The following TM4SF20 variants were observed in gnomAD, a reference collection of about 807,000 sequenced individuals.
TM4SF20 encodes the protein transmembrane 4 L six family member 20.
TM4SF20 carries 13 observed loss-of-function variants against 15.1 expected under a neutral mutation model. The observed-to-expected ratio is 0.86, with a 90% CI of 0.56 to 1.36. The LOEUF (loss-of-function observed/expected upper bound fraction) is 1.36, where lower values mean the gene tolerates loss of function less well. Among genes scored for constraint, TM4SF20 ranks in the 40% most tolerant of loss-of-function variants. The probability of loss-of-function intolerance (pLI) is 0.00; values close to 1 mark genes in which losing one functional copy is unlikely to be tolerated. For missense variants in TM4SF20, 282 were observed against 268.4 expected (o/e 1.05, Z -0.35); for synonymous variants, 92 against 96.6 (o/e 0.95, Z 0.28).
At chr2:227,375,285 G>A (rs2076442254) in intron 1 of TM4SF20, among the ~76,000 whole-genome samples, 1 of 152,048 alleles carries the variant, frequency 6.6e-6, no homozygotes, top group African/African-American at 2.4e-5. Context: ...CCCAGCTACT[G>A]AGGAGGCTGA....
At position 227,372,578 on chromosome 2, in the gene TM4SF20, T is replaced by G. The variant is rs376803752; in HGVS notation, c.184-1598A>C. On this transcript the variant is annotated intron_variant, in intron 1 of 3. Transcript: ENST00000304568. ...ATTACTTGAACCTGGGAGACAGAGG[T>G]TGCAGTTAGCTGAGATCATGTGACT... is the stretch of plus-strand genomic sequence containing the variant. Among the ~76,000 whole-genome samples, 95 of 152,260 alleles carry G rather than the reference T, an allele frequency of 6.2e-4. 2 individuals carry two copies. The South Asian group carries it at 0.017, about 27-fold the overall frequency.
At chr2:227,374,549 C>T (rs1466484807) in intron 1 of TM4SF20, among the ~76,000 whole-genome samples, 1 of 152,062 alleles carries the variant, frequency 6.6e-6, no homozygotes, top group East Asian at 1.9e-4. Flanking sequence ...ATTTGAATGC[C>T]TGAGTTTTTG....
intron 1 of TM4SF20, among the ~76,000 whole-genome samples, chr2:227,376,958 TG>T (rs1221821004): frequency 6.6e-6 from 1 of 152,244 alleles, no homozygotes; most frequent in African/African-American, 2.4e-5. Context: ...ACCCAGTAGC[TG>T]GCCTTTGGCA....
chr2:227,362,937 A>G lies in TM4SF20; in HGVS notation c.*787T>C, dbSNP rs74617791. ...AGCTGAAACATGCCTCTATTCTCTT[A>G]ATCTATAACAGTTCCCTCAAAAATA... On this transcript the variant is annotated 3_prime_UTR_variant, in exon 4 of 4. Transcript: ENST00000304568. 2 of 152,318 alleles carry G rather than the reference A, an allele frequency of 1.3e-5. No homozygotes were observed. Among genetic ancestry groups the G allele is most frequent in the African/African-American group, 4.8e-5 (2 of 41,570 alleles). 9.4% of individuals were successfully genotyped at this position (152,318 alleles called of 1,614,324 possible).
At chr2:227,371,303 A>G (rs1402512975) in intron 1 of TM4SF20, among the ~76,000 whole-genome samples, 2 of 152,156 alleles carry the variant, frequency 1.3e-5, no homozygotes, top group Non-Finnish European at 1.5e-5. Context: ...TTTTGGAAGA[A>G]ATGTTTCTGA....
At chr2:227,374,200 G>A (rs529895380) in intron 1 of TM4SF20, among the ~76,000 whole-genome samples, 30 of 151,066 alleles carry the variant, frequency 2.0e-4, no homozygotes, top group Middle Eastern at 3.4e-3. Flanking sequence ...TTGAAGATAA[G>A]TTTATTTCAG....
intron 1 of TM4SF20, among the ~76,000 whole-genome samples, chr2:227,375,147 G>T (rs1002103189): frequency 1.3e-5 from 2 of 151,734 alleles, no homozygotes; most frequent in East Asian, 2.0e-4. Context: ...GGCTGGTCTC[G>T]AACTCCTGCC....
At chr2:227,366,987 T>C (rs900287577) in intron 2 of TM4SF20, among the ~76,000 whole-genome samples, 1 of 152,116 alleles carries the variant, frequency 6.6e-6, no homozygotes, top group African/African-American at 2.4e-5. Flanking sequence ...AAGTGGCCAG[T>C]GGCCAGCATC....
chr2:227,363,764 C>A lies in TM4SF20; in HGVS notation c.650G>T (p.Cys217Phe), dbSNP rs753283381. The stretch of plus-strand genomic sequence containing the variant: ...TCTTCGCTTAGAGACTCCACACAGA[C>A]AGCCAAGGAAACCGATGACTATCTG... ...LSQIVIGFLGCLCGVSKRRSQ... is the reference protein window; with the variant it reads ...LSQIVIGFLGFLCGVSKRRSQ... The change falls in exon 4 of 4, where the codon TGT becomes TTT. Residue 217 changes from cysteine (C) to phenylalanine (F), a missense_variant. By Grantham distance (205) the Cys-to-Phe change is radical. Coordinates refer to ENST00000304568, the MANE Select transcript of TM4SF20 (RefSeq NM_024795.4). 1 of 1,614,152 alleles carries A rather than the reference C, an allele frequency of 6.2e-7. No individual in the cohort carries two copies. The highest frequency in any genetic ancestry group is 1.1e-5 in the South Asian group (1 of 91,086).
rs941525113 is a variant in TM4SF20 at position 227,366,145 on chromosome 2, T to A, written c.349A>T (p.Asn117Tyr). 1.9e-6 allele frequency: 3 copies of A among 1,614,028 alleles called. No homozygotes were observed. Among genetic ancestry groups the A allele is most frequent in the Admixed American group, 1.7e-5 (1 of 59,986 alleles). Reference protein sequence around the residue: ...QALLKGPLMCNSPSNSNANCE... With the variant: ...QALLKGPLMCYSPSNSNANCE... ...TTGGCATTACTGTTGCTTGGAGAAT[T>A]ACACATGAGAGGACCTTTTAAGAGA... The change falls in exon 3 of 4, where the codon AAT becomes TAT. Residue 117 changes from asparagine to tyrosine, a missense_variant. Transcript: ENST00000304568.
chr2:227,380,585 C>T (rs146740236), upstream of TM4SF20, among the ~76,000 whole-genome samples: 420 of 152,304 alleles, frequency 2.8e-3, 6 homozygotes, highest in African/African-American at 9.3e-3. Flanking sequence ...AAAAGTCACT[C>T]AGTTATGCAT....
Position 227,362,606 on chromosome 2 carries a change from A to G in TM4SF20, c.*1118T>C, listed in dbSNP as rs926284814. The G allele has an allele frequency of 6.6e-6, 1 of 152,216 alleles. No homozygotes were observed. The highest frequency in any genetic ancestry group is 2.4e-5 in the African/African-American group (1 of 41,462). The allele number at this position is 152,216 out of a possible 1,614,324, so 9.4% of individuals were successfully genotyped here. A position where few individuals can be genotyped will look rare whatever the true frequency, so the allele number is the denominator to read the frequency against. On this transcript the variant is annotated 3_prime_UTR_variant, in exon 4 of 4. Coordinates refer to ENST00000304568, the MANE Select transcript of TM4SF20 (RefSeq NM_024795.4). ...CAAAATGCAGTCAAAATTGTGTTTC[A>G]TGCACAAAGTTATTTAAAATATTGT...
intron 1 of TM4SF20, among the ~76,000 whole-genome samples, chr2:227,374,270 A>G (rs1380367112): frequency 6.6e-6 from 1 of 152,326 alleles, no homozygotes; most frequent in East Asian, 1.9e-4. Flanking sequence ...AGGGACAATT[A>G]CTTACAGTGT....
Position 227,379,175 on chromosome 2 carries a change from C to CAA in TM4SF20, c.92_93dup (p.Val32LeufsTer4), listed in dbSNP as rs1248541024. 9 of 1,614,186 alleles carry CAA rather than the reference C, an allele frequency of 5.6e-6. No homozygotes were observed. The highest frequency in any genetic ancestry group is 7.6e-6 in the Non-Finnish European group (9 of 1,180,028). On this transcript the variant is annotated frameshift_variant, in exon 1 of 4. Coordinates refer to ENST00000304568, the MANE Select transcript of TM4SF20 (RefSeq NM_024795.4). LOFTEE classifies it high-confidence loss of function. ...AATTGGTCTTCCTCAACTAAGCTGA[C>CAA]AATTAGAGGTATCGCATTGAGAACT...
chr2:227,369,644 G>A (rs1464312445), intron 2 of TM4SF20, among the ~76,000 whole-genome samples: 1 of 152,004 alleles, frequency 6.6e-6, no homozygotes, highest in African/African-American at 2.4e-5. Context: ...GGCCAGGCTG[G>A]TCTTGAATTC....
intron 1 of TM4SF20, among the ~76,000 whole-genome samples, chr2:227,372,862 G>A (rs944743543): frequency 4.6e-5 from 7 of 151,936 alleles, no homozygotes; most frequent in East Asian, 1.9e-4. Context: ...ATGCCATCAC[G>A]CCCTGTTAGT....
At chr2:227,368,323 G>A (rs1472452861) in intron 2 of TM4SF20, among the ~76,000 whole-genome samples, 5 of 94,572 alleles carry the variant, frequency 5.3e-5, no homozygotes, top group African/African-American at 8.3e-5. Flanking sequence ...ACGCCTGGCC[G>A]CCATCTATTA....
In TM4SF20 at chr2:227,362,765, C is replaced by A. The variant is rs565984506; in HGVS notation, c.*959G>T. 7 of 152,220 alleles carry A rather than the reference C, an allele frequency of 4.6e-5. No homozygotes were observed. In the East Asian group the frequency reaches 1.4e-3, roughly 29 times the overall value. 9.4% of individuals were successfully genotyped at this position (152,220 alleles called of 1,614,324 possible). The stretch of plus-strand genomic sequence containing the variant: ...TCCAAAATCCAAAAAAATGTGAAAG[C>A]CAAAACACTTCTGATCTTAATCATT... On this transcript the variant is annotated 3_prime_UTR_variant, in exon 4 of 4. Coordinates refer to ENST00000304568, the MANE Select transcript of TM4SF20 (RefSeq NM_024795.4).
rs1008054972 is a variant in TM4SF20, at chr2:227,363,662, A to G, written c.*62T>C. ...TTAAATCATCTCAAAGATGACTTTG[A>G]AAACAAGTGTACTTCTCAAATTAAT... On this transcript the variant is annotated 3_prime_UTR_variant, in exon 4 of 4. Transcript: ENST00000304568. The G allele has an allele frequency of 2.7e-6, 4 of 1,505,646 alleles. No homozygotes were observed. The highest frequency in any genetic ancestry group is 8.9e-7 in the Non-Finnish European group (1 of 1,120,814). 93.3% of individuals were successfully genotyped at this position (1,505,646 alleles called of 1,614,324 possible). A position where few individuals can be genotyped will look rare whatever the true frequency, so the allele number is the denominator to read the frequency against.
Sources: allele counts gnomAD v4.1 joint callset (sites outside exome capture counted in the v4.1 genomes callset), GRCh38; gene constraint gnomAD v4.1.1; transcripts MANE v1.5; gene names NCBI Gene and HGNC (gene_info 2026-07-23, HGNC 2026-07-21).